AKAP9: variants seen among roughly 807,000 people sequenced by gnomAD.
The protein encoded by AKAP9 is A-kinase anchoring protein 9.
Under a neutral mutation model 488.5 loss-of-function variants are expected in AKAP9, and 311 were observed. The observed-to-expected ratio is 0.64, with a 90% confidence interval of 0.58 to 0.70. The LOEUF (loss-of-function observed/expected upper bound fraction) is 0.70. Ranked by LOEUF, AKAP9 falls within the 30% of genes least tolerant of loss-of-function variation. The pLI, the probability that AKAP9 is intolerant of heterozygous loss-of-function variation, is 0.00. For missense variants in AKAP9, 4,215 were observed against 4,374.5 expected, an observed-to-expected ratio of 0.96 and a Z score of 1.03; for synonymous variants, 1,462 against 1,483.5, an observed-to-expected ratio of 0.99 and a Z score of 0.33.
intron 2 of AKAP9, among the ~76,000 whole-genome samples, chr7:91,974,289 A>G (rs1795406674): frequency 6.6e-6 from 1 of 152,234 alleles, no homozygotes; most frequent in Non-Finnish European, 1.5e-5. Context: ...GCAGTGTGCT[A>G]TGATTAGACC....
intron 17 of AKAP9, among the ~76,000 whole-genome samples, chr7:92,039,182 G>T (rs1188550787): frequency 2.6e-5 from 4 of 152,124 alleles, no homozygotes; most frequent in Non-Finnish European, 4.4e-5. Flanking sequence ...GGGATTACAG[G>T]CATGAGCCAC....
intron 14 of AKAP9, among the ~76,000 whole-genome samples, chr7:92,027,799 A>C (rs1203739629): frequency 2.6e-5 from 4 of 152,258 alleles, no homozygotes; most frequent in African/African-American, 9.6e-5. Flanking sequence ...CCGAAGAGAC[A>C]GCAACCATTG....
At chr7:92,093,013 C>T (rs1212339080) in intron 38 of AKAP9, 84 bp from the exon 39 acceptor site, 3 of 1,208,442 alleles carry the variant, frequency 2.5e-6, no homozygotes, top group Non-Finnish European at 3.6e-6. Flanking sequence ...TCCTTAACTA[C>T]AAATCAGTTC....
intron 46 of AKAP9, among the ~76,000 whole-genome samples, chr7:92,103,578 C>T (rs1448817066): frequency 6.6e-6 from 1 of 151,392 alleles, no homozygotes; most frequent in Non-Finnish European, 1.5e-5. Context: ...GCCTGTAGTC[C>T]CAGCTACTTG....
chr7:92,097,188 C>T lies in AKAP9; in HGVS notation c.10229C>T (p.Ser3410Phe). 1.9e-6 allele frequency: 3 copies of T among 1,613,372 alleles called. No homozygotes were observed. The highest frequency in any genetic ancestry group is 2.2e-5 in the South Asian group (2 of 90,878). ...EGQKKMHELQ[S>F]KVEDLQRQLE... is the part of the protein sequence containing the mutation. ...CAGAAAAAAATGCATGAGCTCCAGT[C>T]CAAAGTGGAAGATCTTCAGCGCCAG... The change falls in exon 41 of 50, where the codon TCC becomes TTC. Residue 3410 changes from serine (S) to phenylalanine (F), a missense_variant. Around this residue, in one of 5 missense-constraint regions of AKAP9, gnomAD observed 1,476 missense variants for 1,477.4 expected, o/e 1.00. Coordinates refer to ENST00000356239, the MANE Select transcript of AKAP9 (RefSeq NM_005751.5).
intron 8 of AKAP9, among the ~76,000 whole-genome samples, chr7:92,006,908 A>G (rs1242765799): frequency 6.6e-6 from 1 of 152,216 alleles, no homozygotes; most frequent in African/African-American, 2.4e-5. Flanking sequence ...GAGCTTAGAA[A>G]CTACAGGAGG....
intron 45 of AKAP9, among the ~76,000 whole-genome samples, chr7:92,101,672 C>G (rs1033457980): frequency 3.9e-5 from 6 of 152,152 alleles, no homozygotes; most frequent in African/African-American, 1.4e-4. Context: ...AAAAGCTCTA[C>G]TATTGTCAAT....
chr7:92,012,718 C>A, intron 9 of AKAP9, 76 bp downstream of exon 9: 1 of 1,282,488 alleles, frequency 7.8e-7, no homozygotes, highest in Non-Finnish European at 1.1e-6. Context: ...ATAATTTTTT[C>A]CTTGTCATAG....
intron 46 of AKAP9, among the ~76,000 whole-genome samples, 172 bp from the exon 47 acceptor site, chr7:92,105,503 ATTC>A (rs1047439495): frequency 6.6e-6 from 1 of 152,154 alleles, no homozygotes; most frequent in Non-Finnish European, 1.5e-5. Flanking sequence ...TTGAGTCCCT[ATTC>A]TTCCGTTCCA....
intron 3 of AKAP9, among the ~76,000 whole-genome samples, chr7:91,982,841 C>A (rs1364283720): frequency 6.6e-6 from 1 of 152,128 alleles, no homozygotes; most frequent in Non-Finnish European, 1.5e-5. Flanking sequence ...CACATCCTCT[C>A]CAGCATCTGT....
chr7:92,057,666 T>C (rs557360492), intron 22 of AKAP9: 1 of 213,448 alleles, frequency 4.7e-6, no homozygotes, highest in African/African-American at 2.3e-5. Context: ...AGAGAAATAA[T>C]GTTACAACTG....
chr7:92,097,397 C>G (rs917022310), intron 41 of AKAP9, 40 bp downstream of exon 41: 1 of 1,600,026 alleles, frequency 6.2e-7, no homozygotes, highest in Non-Finnish European at 8.5e-7. Context: ...TTAAGGAAAG[C>G]ACTGCAGCCC....
In AKAP9 at chr7:92,065,478, G is replaced by A. The variant is rs1229702564; in HGVS notation, c.6210+15G>A. On this transcript the variant is annotated intron_variant, in intron 25 of 49. Coordinates refer to ENST00000356239, the MANE Select transcript of AKAP9 (RefSeq NM_005751.5). The stretch of plus-strand genomic sequence containing the variant: ...AATTTTTAGATGTAAGTATTCTCAA[G>A]TTGAATACTGATTTTTCTCAGTGGA... 3 of 1,537,032 alleles carry A rather than the reference G, an allele frequency of 2.0e-6. No individual in the cohort carries two copies. The highest frequency in any genetic ancestry group is 2.3e-5 in the South Asian group (2 of 88,458).
chr7:92,036,214 G>A (rs1805167370), intron 16 of AKAP9, among the ~76,000 whole-genome samples: 1 of 151,944 alleles, frequency 6.6e-6, no homozygotes. Context: ...CAAGGTCCTT[G>A]TCACTTTGTT....
chr7:92,013,784 C>T (rs1268690802), intron 9 of AKAP9, among the ~76,000 whole-genome samples: 1 of 151,802 alleles, frequency 6.6e-6, no homozygotes, highest in Non-Finnish European at 1.5e-5. Context: ...ATGATGTCCT[C>T]TTCAAACAGG....
chr7:92,002,312 C>A lies in AKAP9; in HGVS notation c.2395C>A (p.Gln799Lys). 6.2e-7 allele frequency: 1 copy of A among 1,612,620 alleles called. No individual in the cohort carries two copies. Among genetic ancestry groups the A allele is most frequent in the Non-Finnish European group, 8.5e-7 (1 of 1,179,214 alleles). The change falls in exon 8 of 50, where the codon CAA (glutamine) becomes AAA (lysine). Residue 799 changes from glutamine (Q) to lysine (K), a missense_variant. Coordinates refer to ENST00000356239, the MANE Select transcript of AKAP9 (RefSeq NM_005751.5). Reference protein sequence around the residue: ...DMLKIHTPVSQEERLIFLDSI... With the variant: ...DMLKIHTPVSKEERLIFLDSI... Reference sequence around the variant, plus strand: ...GTTGAAAATACATACTCCTGTTAGCCAAGAAGAAAGATTGATTTTCTTAGA... The same window carrying A: ...GTTGAAAATACATACTCCTGTTAGCAAAGAAGAAAGATTGATTTTCTTAGA...
intron 48 of AKAP9, among the ~76,000 whole-genome samples, chr7:92,108,177 T>C (rs1818834923): frequency 6.6e-6 from 1 of 152,202 alleles, no homozygotes; most frequent in African/African-American, 2.4e-5. Context: ...GGGAAAAGTA[T>C]TGACTAAAAT....
intron 22 of AKAP9, among the ~76,000 whole-genome samples, chr7:92,058,771 T>C: frequency 6.6e-6 from 1 of 151,996 alleles, no homozygotes; most frequent in East Asian, 1.9e-4. Context: ...GCTAAGTGAA[T>C]TGTCATTGAG....
chr7:92,049,787 C>T (rs1041317522), intron 21 of AKAP9, among the ~76,000 whole-genome samples: 11 of 151,822 alleles, frequency 7.2e-5, no homozygotes, highest in Admixed American at 4.6e-4. Flanking sequence ...AGCTAGGTGA[C>T]GTCTTTGCCT....
Sources: gnomAD v4.1 joint callset for allele counts (sites outside exome capture counted in the v4.1 genomes callset) on GRCh38, gnomAD v4.1.1 for gene constraint, gnomAD v4.1.1 regional missense constraint, MANE v1.5 for transcripts, NCBI Gene and HGNC (gene_info 2026-07-23, HGNC 2026-07-21) for gene names.